Variants in CTDP1 observed in about 807,000 individuals in gnomAD.
The protein encoded by CTDP1 is CTD phosphatase 1.
CTDP1 carries 47 observed loss-of-function variants against 91.8 expected under a neutral mutation model. That is an observed-to-expected ratio of 0.51 (90% confidence interval 0.41 to 0.65). The LOEUF is 0.65. CTDP1 is among the 30% of genes least tolerant of loss of function. CTDP1 has a pLI of 0.00. For synonymous variants in CTDP1, 656 were observed against 598.5 expected (o/e 1.10, Z -1.40); for missense variants, 1,272 against 1,373.7 (o/e 0.93, Z 1.17).
chr18:79,729,033 T>C lies in CTDP1; in HGVS notation c.2544T>C (p.Thr848=). The C allele has an allele frequency of 6.2e-7, 1 of 1,613,944 alleles. No individual in the cohort carries two copies. Among genetic ancestry groups the C allele is most frequent in the Non-Finnish European group, 8.5e-7 (1 of 1,180,048 alleles). Residue 848 remains threonine, a synonymous_variant, in exon 11 of 13, where the codon ACT becomes ACC. Transcript: ENST00000613122. The stretch of plus-strand genomic sequence containing the variant: ...TGTCTGAGACAATGCCGCTGTACAC[T>C]CTTTGTAAGGAGGATTTAGAGAGTA... ...PSMSETMPLY[T]LCKEDLESMD... is the part of the protein sequence containing the mutation.
chr18:79,682,583 T>G (rs3859315), intron 1 of CTDP1, among the ~76,000 whole-genome samples: 18,958 of 152,274 alleles, frequency 0.12, 1,543 homozygotes, highest in Non-Finnish European at 0.19. Flanking sequence ...TGTAGATGTT[T>G]TTCAGTAAAT....
At chr18:79,679,579 C>G, upstream of CTDP1, 1 of 468,096 alleles carries the variant, frequency 2.1e-6, no homozygotes, top group South Asian at 1.5e-5. Context: ...CGCGCCAAGA[C>G]CGTCACTGGG....
chr18:79,743,816 G>A (rs561766864), intron 12 of CTDP1, among the ~76,000 whole-genome samples: 45 of 152,334 alleles, frequency 3.0e-4, no homozygotes, highest in African/African-American at 1.1e-3. Flanking sequence ...AAAATACATC[G>A]TGAAACAGAT....
intron 1 of CTDP1, 104 bp from the exon 2 acceptor site, chr18:79,695,121 G>A: frequency 1.0e-6 from 1 of 979,536 alleles, no homozygotes; most frequent in Non-Finnish European, 1.6e-6. Context: ...GCAAGGGTTA[G>A]TGTAGAATTG....
chr18:79,729,080 C>T lies in CTDP1; in HGVS notation c.2580+11C>T, dbSNP rs1469844019. ...AGTATGGACAAAGAGGTGAGCCAACCCCACGCCCCGGTGCCCGCGCCAGCG... is the reference window on the plus strand; with the variant it reads ...AGTATGGACAAAGAGGTGAGCCAACTCCACGCCCCGGTGCCCGCGCCAGCG... On this transcript the variant is annotated intron_variant, in intron 11 of 12. Coordinates refer to ENST00000613122, the MANE Select transcript of CTDP1 (RefSeq NM_004715.5). 2 of 1,612,400 alleles carry T rather than the reference C, an allele frequency of 1.2e-6. No homozygotes were observed. The highest frequency in any genetic ancestry group is 1.7e-6 in the Non-Finnish European group (2 of 1,180,020).
At chr18:79,679,741 T>G, upstream of CTDP1, 5 of 500,218 alleles carry the variant, frequency 1.0e-5, no homozygotes, top group Non-Finnish European at 7.3e-6. Context: ...GCGGCGCTCG[T>G]ATTTACACGC....
chr18:79,692,943 A>G (rs918280326), intron 1 of CTDP1, among the ~76,000 whole-genome samples: 4 of 152,230 alleles, frequency 2.6e-5, no homozygotes, highest in African/African-American at 9.6e-5. Flanking sequence ...AGCAGTGCCC[A>G]GGGAAAGGAC....
chr18:79,685,578 A>G (rs973903560), intron 1 of CTDP1: 1 of 152,220 alleles, frequency 6.6e-6, no homozygotes, highest in African/African-American at 2.4e-5. Context: ...GCTGAATAAA[A>G]TGAAGATCAT....
In CTDP1 at chr18:79,727,594, A is replaced by G. The variant is rs191066473; in HGVS notation, c.2418-1313A>G. On this transcript the variant is annotated intron_variant, in intron 10 of 12. Coordinates refer to ENST00000613122, the MANE Select transcript of CTDP1 (RefSeq NM_004715.5). Reference sequence around the variant, plus strand: ...GCTTGGGAAGTCCTGAATTCCAAACAGCGCAGATCAGCACTTTCAGATTTC... The same window carrying G: ...GCTTGGGAAGTCCTGAATTCCAAACGGCGCAGATCAGCACTTTCAGATTTC... Among the ~76,000 whole-genome samples the G allele has an allele frequency of 2.3e-3, 348 of 152,352 alleles. 1 individual carries two copies. The highest frequency in any genetic ancestry group is 7.6e-3 in the African/African-American group (318 of 41,588).
intron 10 of CTDP1, among the ~76,000 whole-genome samples, chr18:79,727,592 A>G (rs576364877): frequency 9.2e-5 from 14 of 152,356 alleles, no homozygotes; most frequent in Non-Finnish European, 1.8e-4. Flanking sequence ...TGAATTCCAA[A>G]CAGCGCAGAT....
chr18:79,703,227 TACTA>T (rs1365532540), intron 4 of CTDP1: 2 of 152,258 alleles, frequency 1.3e-5, no homozygotes, highest in African/African-American at 4.8e-5. Flanking sequence ...GGAAAGTTGT[TACTA>T]GAACTTCTCA....
intron 12 of CTDP1, among the ~76,000 whole-genome samples, chr18:79,750,843 G>T (rs569155617): frequency 1.3e-5 from 2 of 151,856 alleles, no homozygotes; most frequent in South Asian, 4.2e-4. Flanking sequence ...GGGATGCATT[G>T]CTTTTTAAGA....
intron 6 of CTDP1, among the ~76,000 whole-genome samples, chr18:79,712,235 AG>A (rs1373432945): frequency 1.3e-5 from 2 of 152,038 alleles, no homozygotes; most frequent in African/African-American, 2.4e-5. Flanking sequence ...GTTTGCATGG[AG>A]GTAGCTGGAG....
chr18:79,693,265 G>GT (rs905848736), intron 1 of CTDP1, among the ~76,000 whole-genome samples: 20 of 151,772 alleles, frequency 1.3e-4, no homozygotes, highest in African/African-American at 1.7e-4. Context: ...TTTTGTTTTT[G>GT]TTTTTTTTCA....
chr18:79,709,801 C>T (rs573108375), intron 5 of CTDP1, among the ~76,000 whole-genome samples: 5 of 152,302 alleles, frequency 3.3e-5, no homozygotes, highest in African/African-American at 1.2e-4. Context: ...TTCTACAACA[C>T]AGAGTGTGAG....
At chr18:79,699,367 TCTC>T (rs2085810765) in intron 4 of CTDP1, among the ~76,000 whole-genome samples, 1 of 151,994 alleles carries the variant, frequency 6.6e-6, no homozygotes, top group South Asian at 2.1e-4. Flanking sequence ...TTCACGCCAT[TCTC>T]CTCCCTCAGA....
intron 8 of CTDP1, among the ~76,000 whole-genome samples, chr18:79,716,231 G>A (rs7240071): frequency 1.3e-5 from 2 of 152,214 alleles, no homozygotes; most frequent in African/African-American, 2.4e-5. Context: ...CGTTTCCTGA[G>A]AGGGCTTCTC....
intron 4 of CTDP1, among the ~76,000 whole-genome samples, chr18:79,704,244 G>T (rs1568185848): frequency 6.6e-6 from 1 of 152,242 alleles, no homozygotes; most frequent in Non-Finnish European, 1.5e-5. Context: ...GTCCTTATTT[G>T]GAGGGTCAGG....
chr18:79,731,234 G>A (rs866855816), intron 11 of CTDP1, among the ~76,000 whole-genome samples: 1 of 152,222 alleles, frequency 6.6e-6, no homozygotes, highest in African/African-American at 2.4e-5. Flanking sequence ...AGTGCAGCCC[G>A]TCAGGGGGCC....
Sources: allele counts gnomAD v4.1 joint callset (sites outside exome capture counted in the v4.1 genomes callset), GRCh38; gene constraint gnomAD v4.1.1; transcripts MANE v1.5; gene names NCBI Gene and HGNC (gene_info 2026-07-23, HGNC 2026-07-21).